The following TCERG1L variants were observed in gnomAD, a reference collection of about 807,000 sequenced individuals.
TCERG1L encodes the protein transcription elongation regulator 1-like protein.
In TCERG1L, 37 loss-of-function variants were observed where a neutral mutation model predicts 56.3. That is an observed-to-expected ratio of 0.66 (90% CI 0.51 to 0.87). The LOEUF is 0.87. Ranked by LOEUF, TCERG1L falls within the 40% of genes least tolerant of loss-of-function variation. The pLI is 0.00. For missense variants in TCERG1L, 799 were observed against 774.2 expected (o/e 1.03, Z -0.38); for synonymous variants, 324 against 326.3 (o/e 0.99, Z 0.08).
At chr10:131,138,523 A>G (rs12265916) in intron 7 of TCERG1L, among the ~76,000 whole-genome samples, 7,650 of 152,256 alleles carry the variant, frequency 0.05, 287 homozygotes, top group South Asian at 0.22. Flanking sequence ...TTTCAACAAA[A>G]AACTCAAAAG....
In TCERG1L at chr10:131,192,807, T is replaced by C. The variant is rs74675917; in HGVS notation, c.857-25922A>G. Among the ~76,000 whole-genome samples the C allele has an allele frequency of 5.2e-3, 750 of 144,046 alleles. 123 individuals carry two copies. The highest frequency in any genetic ancestry group is 0.017 in the African/African-American group (664 of 38,210). 94.5% of individuals were successfully genotyped at this position (144,046 alleles called of 152,430 possible). On this transcript the variant is annotated intron_variant, in intron 4 of 11. Transcript: ENST00000368642. ...TCACTTATAAGTGGGAGCTAAGCTATGAGTATGCGAAAGCATACAGAGTGG... is the reference window on the plus strand; with the variant it reads ...TCACTTATAAGTGGGAGCTAAGCTACGAGTATGCGAAAGCATACAGAGTGG...
intron 4 of TCERG1L, among the ~76,000 whole-genome samples, chr10:131,231,823 G>A (rs1470974459): frequency 6.6e-6 from 1 of 152,170 alleles, no homozygotes; most frequent in African/African-American, 2.4e-5. Flanking sequence ...AGTGCCTGTG[G>A]GGACAAGGGG....
chr10:131,141,047 C>G (rs1043439279), intron 7 of TCERG1L, among the ~76,000 whole-genome samples: 1 of 152,176 alleles, frequency 6.6e-6, no homozygotes, highest in African/African-American at 2.4e-5. Context: ...AGAGCCGCAG[C>G]AGAGCTGCAA....
chr10:131,199,562 T>G (rs1313998449), intron 4 of TCERG1L, among the ~76,000 whole-genome samples: 2 of 152,110 alleles, frequency 1.3e-5, no homozygotes, highest in Non-Finnish European at 2.9e-5. Context: ...GAAAATAAAC[T>G]TTTTATCTGA....
At chr10:131,259,674 C>T (rs931319510) in intron 4 of TCERG1L, among the ~76,000 whole-genome samples, 2 of 152,244 alleles carry the variant, frequency 1.3e-5, no homozygotes, top group Non-Finnish European at 2.9e-5. Flanking sequence ...CGGGCCCCTG[C>T]CCCGAGGACA....
At chr10:131,130,051 C>T (rs1845601089) in intron 8 of TCERG1L, among the ~76,000 whole-genome samples, 1 of 150,204 alleles carries the variant, frequency 6.7e-6, no homozygotes, top group East Asian at 2.0e-4. Context: ...CACTTTCAGG[C>T]TGCTGATAAA....
intron 3 of TCERG1L, among the ~76,000 whole-genome samples, chr10:131,288,121 C>A (rs1225859979): frequency 6.6e-6 from 1 of 152,188 alleles, no homozygotes; most frequent in East Asian, 1.9e-4. Context: ...GAGGCAGAGC[C>A]TGAACCGGCC....
In TCERG1L at chr10:131,092,874, C is replaced by A. The variant is rs1172500371; in HGVS notation, c.*288G>T. 2 of 282,686 alleles carry A rather than the reference C, an allele frequency of 7.1e-6. No homozygotes were observed. The highest frequency in any genetic ancestry group is 1.3e-5 in the Non-Finnish European group (2 of 151,844). 17.5% of individuals were successfully genotyped at this position (282,686 alleles called of 1,614,324 possible). ...GCTCCCGTTCCTGCTTCCCCACAGT[C>A]CTGCAGTGGATTGATAATTTGTGTA... is the stretch of plus-strand genomic sequence containing the variant. On this transcript the variant is annotated 3_prime_UTR_variant, in exon 12 of 12. Transcript: ENST00000368642.
At chr10:131,306,748 T>C (rs1846822048) in intron 3 of TCERG1L, among the ~76,000 whole-genome samples, 3 of 152,210 alleles carry the variant, frequency 2.0e-5, no homozygotes, top group South Asian at 2.1e-4. Flanking sequence ...TAATGAAGTA[T>C]TGCATATTTG....
At chr10:131,298,147 TC>T (rs1210297360) in intron 3 of TCERG1L, among the ~76,000 whole-genome samples, 7 of 62,546 alleles carry the variant, frequency 1.1e-4, no homozygotes, top group Non-Finnish European at 2.3e-4. Flanking sequence ...TTGAGGTATT[TC>T]TTTTTTTTTT....
chr10:131,194,821 G>A (rs920375638), intron 4 of TCERG1L, among the ~76,000 whole-genome samples: 4 of 152,150 alleles, frequency 2.6e-5, no homozygotes, highest in East Asian at 1.9e-4. Flanking sequence ...CATAAACTCT[G>A]TGCCTACGGA....
chr10:131,104,241 C>T, intron 10 of TCERG1L, 24 bp downstream of exon 10: 3 of 1,505,912 alleles, frequency 2.0e-6, no homozygotes, highest in Non-Finnish European at 2.7e-6. Flanking sequence ...TCTCTGCAGT[C>T]AAAGTGCCTT....
At chr10:131,107,094 G>C (rs776877607) in intron 9 of TCERG1L, among the ~76,000 whole-genome samples, 1 of 151,772 alleles carries the variant, frequency 6.6e-6, no homozygotes, top group Non-Finnish European at 1.5e-5. Context: ...AACTCTGGGA[G>C]GGTCTCCAAG....
At chr10:131,236,701 G>A (rs1845916832) in intron 4 of TCERG1L, among the ~76,000 whole-genome samples, 5 of 152,184 alleles carry the variant, frequency 3.3e-5, no homozygotes, top group Non-Finnish European at 7.3e-5. Context: ...CCAGGGGTGG[G>A]AGGCTGAAGA....
At chr10:131,237,741 T>C (rs1845927796) in intron 4 of TCERG1L, among the ~76,000 whole-genome samples, 1 of 152,158 alleles carries the variant, frequency 6.6e-6, no homozygotes, top group East Asian at 1.9e-4. Context: ...GGGTGGAAAA[T>C]GTCAACTCCA....
At chr10:131,310,679 G>A (rs1247771018) in intron 1 of TCERG1L, among the ~76,000 whole-genome samples, 3 of 152,224 alleles carry the variant, frequency 2.0e-5, no homozygotes, top group East Asian at 1.9e-4. Context: ...AAAGTGCAGT[G>A]TGGCATTAGC....
At position 131,171,719 on chromosome 10, in the gene TCERG1L, C is replaced by A. The variant is rs765499611; in HGVS notation, c.857-4834G>T. Among the ~76,000 whole-genome samples the A allele has an allele frequency of 2.0e-5, 3 of 152,112 alleles. No homozygotes were observed. The South Asian group carries it at 6.2e-4, about 32-fold the overall frequency. On this transcript the variant is annotated intron_variant, in intron 4 of 11. Coordinates refer to ENST00000368642, the MANE Select transcript of TCERG1L (RefSeq NM_174937.4). ...CCGAGCAGCTGAGATTACAGGCATG[C>A]GCCACCACACCTGGCTCATTTTTGT... is the stretch of plus-strand genomic sequence containing the variant.
intron 4 of TCERG1L, among the ~76,000 whole-genome samples, chr10:131,250,569 G>A (rs1846098637): frequency 6.6e-6 from 1 of 152,130 alleles, no homozygotes; most frequent in South Asian, 2.1e-4. Flanking sequence ...TGTGAACCGA[G>A]TCCTGGCTGT....
At chr10:131,148,051 GC>G (rs1845818847) in intron 6 of TCERG1L, among the ~76,000 whole-genome samples, 2 of 152,218 alleles carry the variant, frequency 1.3e-5, no homozygotes, top group South Asian at 4.1e-4. Context: ...CCACTACTCA[GC>G]CCAGCCACGC....
Sources: allele counts gnomAD v4.1 joint callset (sites outside exome capture counted in the v4.1 genomes callset), GRCh38; gene constraint gnomAD v4.1.1; transcripts MANE v1.5; gene names NCBI Gene and HGNC (gene_info 2026-07-23, HGNC 2026-07-21).